AK5: variants seen among roughly 807,000 people sequenced by gnomAD.
AK5 encodes the protein adenylate kinase 5, also known as adenylate kinase isoenzyme 5.
In AK5, 27 loss-of-function variants were observed where a neutral mutation model predicts 69.5. The observed-to-expected ratio is 0.39, with a 90% CI of 0.29 to 0.54. The LOEUF (loss-of-function observed/expected upper bound fraction) is 0.54. AK5 is among the 20% of genes least tolerant of loss of function. AK5 has a pLI of 0.71. For synonymous variants in AK5, 260 were observed against 244.4 expected (o/e 1.06, Z -0.60); for missense variants, 531 against 700.4 (o/e 0.76, Z 2.73).
At chr1:77,527,371 T>C (rs1013943140) in intron 12 of AK5, among the ~76,000 whole-genome samples, 1 of 152,176 alleles carries the variant, frequency 6.6e-6, no homozygotes, top group African/African-American at 2.4e-5. Flanking sequence ...AAATGGTCCA[T>C]GTGATCTTCC....
intron 5 of AK5, among the ~76,000 whole-genome samples, chr1:77,307,247 C>T (rs1001281566): frequency 1.4e-5 from 2 of 146,546 alleles, no homozygotes; most frequent in Admixed American, 6.6e-5. Context: ...TATAAACTTC[C>T]TTCTTAATAC....
At chr1:77,306,353 A>G (rs571875034) in intron 5 of AK5, among the ~76,000 whole-genome samples, 13 of 152,258 alleles carry the variant, frequency 8.5e-5, no homozygotes, top group African/African-American at 3.1e-4. Context: ...ATTTTTACCC[A>G]TCATTCTATT....
chr1:77,509,840 T>C (rs1479108061), intron 10 of AK5, among the ~76,000 whole-genome samples: 2 of 152,242 alleles, frequency 1.3e-5, no homozygotes, highest in Non-Finnish European at 2.9e-5. Context: ...GAAAGACTTT[T>C]AAACATCACC....
At position 77,472,749 on chromosome 1, in the gene AK5, G is replaced by T. The variant is rs146521117; in HGVS notation, c.1060-10568G>T. ...AATGAATTTTTTTAAAAAAGACTGGGCGTGGTGGCACACACCTGTGGTCCC... is the reference window on the plus strand; with the variant it reads ...AATGAATTTTTTTAAAAAAGACTGGTCGTGGTGGCACACACCTGTGGTCCC... On this transcript the variant is annotated intron_variant, in intron 8 of 13. Coordinates refer to ENST00000354567, the MANE Select transcript of AK5 (RefSeq NM_174858.3). Among the ~76,000 whole-genome samples, 714 of 93,856 alleles carry T rather than the reference G, an allele frequency of 7.6e-3. 9 individuals carry two copies. The highest frequency in any genetic ancestry group is 0.022 in the African/African-American group (683 of 31,074). The allele number at this position is 93,856 out of a possible 152,430, so 61.6% of individuals were successfully genotyped here.
At chr1:77,460,826 C>T (rs1003158776) in intron 8 of AK5, among the ~76,000 whole-genome samples, 3 of 151,896 alleles carry the variant, frequency 2.0e-5, no homozygotes, top group African/African-American at 7.3e-5. Context: ...TGGGTTCAAG[C>T]TATTCTCATG....
intron 8 of AK5, among the ~76,000 whole-genome samples, chr1:77,429,249 C>G (rs1651430929): frequency 6.6e-6 from 1 of 152,190 alleles, no homozygotes; most frequent in African/African-American, 2.4e-5. Context: ...TTCTCCACAT[C>G]CTCTCCAGCA....
At position 77,482,497 on chromosome 1, in the gene AK5, G is replaced by A. The variant is rs749728249; in HGVS notation, c.1060-820G>A. 3.9e-5 allele frequency among the ~76,000 whole-genome samples: 6 copies of A among 152,302 alleles called. No homozygotes were observed. The South Asian group carries it at 8.3e-4, about 21-fold the overall frequency. On this transcript the variant is annotated intron_variant, in intron 8 of 13. Coordinates refer to ENST00000354567, the MANE Select transcript of AK5 (RefSeq NM_174858.3). ...TAAATAGTTGCCCTGTAGGGGCCGGGCACGGTGGCTCATGTCTGTAATCCC... is the reference window on the plus strand; with the variant it reads ...TAAATAGTTGCCCTGTAGGGGCCGGACACGGTGGCTCATGTCTGTAATCCC...
intron 13 of AK5, among the ~76,000 whole-genome samples, chr1:77,543,527 A>G (rs1212456202): frequency 2.2e-5 from 2 of 89,860 alleles, no homozygotes; most frequent in East Asian, 4.2e-4. Flanking sequence ...ACATTGCTCT[A>G]TTTTTTTTTT....
chr1:77,374,069 A>G (rs1411640425), intron 6 of AK5, among the ~76,000 whole-genome samples: 1 of 152,166 alleles, frequency 6.6e-6, no homozygotes, highest in Non-Finnish European at 1.5e-5. Context: ...TCATTTCCCA[A>G]CGGAATTAAT....
intron 6 of AK5, among the ~76,000 whole-genome samples, chr1:77,378,462 C>T (rs1647387711): frequency 6.6e-6 from 1 of 152,198 alleles, no homozygotes; most frequent in African/African-American, 2.4e-5. Flanking sequence ...GCTGGGATTA[C>T]AGGCATGCAC....
intron 10 of AK5, among the ~76,000 whole-genome samples, chr1:77,492,248 T>C (rs561457169): frequency 6.6e-6 from 1 of 152,274 alleles, no homozygotes; most frequent in Non-Finnish European, 1.5e-5. Flanking sequence ...TCTTTTTTAC[T>C]GCTTCATCAA....
At chr1:77,356,790 A>G (rs12124822) in intron 6 of AK5, among the ~76,000 whole-genome samples, 14,456 of 152,230 alleles carry the variant, frequency 0.095, 807 homozygotes, top group Middle Eastern at 0.17. Context: ...GATTCTTTCA[A>G]TGTATTGGAT....
At chr1:77,355,325 G>C (rs1662438316) in intron 6 of AK5, among the ~76,000 whole-genome samples, 1 of 152,294 alleles carries the variant, frequency 6.6e-6, no homozygotes, top group Admixed American at 6.5e-5. Context: ...ATCAAGTAGT[G>C]CATTTTCTAA....
At position 77,475,406 on chromosome 1, in the gene AK5, TGTA is replaced by T. The variant is rs1435798300; in HGVS notation, c.1060-7910_1060-7908del. 2.6e-4 allele frequency among the ~76,000 whole-genome samples: 18 copies of T among 70,514 alleles called. 1 individual carries two copies. Among genetic ancestry groups the T allele is most frequent in the Admixed American group, 8.9e-4 (4 of 4,486 alleles). The allele number at this position is 70,514 out of a possible 152,430, so 46.3% of individuals were successfully genotyped here. A position where few individuals can be genotyped will look rare whatever the true frequency, so the allele number is the denominator to read the frequency against. On this transcript the variant is annotated intron_variant, in intron 8 of 13. Coordinates refer to ENST00000354567, the MANE Select transcript of AK5 (RefSeq NM_174858.3). ...TATATATGTATATATATAATATATA[TGTA>T]TATATATACTATATATTATATATAT...
At chr1:77,460,969 C>T (rs911080736) in intron 8 of AK5, among the ~76,000 whole-genome samples, 1 of 151,918 alleles carries the variant, frequency 6.6e-6, no homozygotes, top group African/African-American at 2.4e-5. Flanking sequence ...AGTGATCCAC[C>T]TTACTCAGCC....
intron 6 of AK5, among the ~76,000 whole-genome samples, chr1:77,387,192 A>G (rs1648094609): frequency 6.6e-6 from 1 of 152,228 alleles, no homozygotes; most frequent in Non-Finnish European, 1.5e-5. Flanking sequence ...CCTGCTGGTA[A>G]TATGTGGCTT....
chr1:77,359,113 G>A (rs1646807709), intron 6 of AK5, among the ~76,000 whole-genome samples: 1 of 151,898 alleles, frequency 6.6e-6, no homozygotes, highest in African/African-American at 2.4e-5. Context: ...AACTTAGCCG[G>A]GCATAGTGGT....
chr1:77,490,431 A>G (rs1231312766), intron 10 of AK5, among the ~76,000 whole-genome samples: 1 of 152,170 alleles, frequency 6.6e-6, no homozygotes, highest in Non-Finnish European at 1.5e-5. Flanking sequence ...GGAAGGTGGC[A>G]AGGACGGACC....
intron 10 of AK5, among the ~76,000 whole-genome samples, chr1:77,489,300 A>G (rs1325594642): frequency 6.6e-6 from 1 of 152,066 alleles, no homozygotes; most frequent in Non-Finnish European, 1.5e-5. Context: ...CTGTATTTCA[A>G]TTTACTGATC....
Sources: gnomAD v4.1 joint callset for allele counts (sites outside exome capture counted in the v4.1 genomes callset) on GRCh38, gnomAD v4.1.1 for gene constraint, MANE v1.5 for transcripts, NCBI Gene and HGNC (gene_info 2026-07-23, HGNC 2026-07-21) for gene names.